Variants in ZNF385D observed in about 807,000 individuals in gnomAD.
ZNF385D encodes the protein zinc finger protein 659.
ZNF385D carries 15 observed loss-of-function variants against 35.8 expected under a neutral mutation model. The observed-to-expected ratio is 0.42, with a 90% confidence interval of 0.28 to 0.64. The LOEUF is 0.64. Ranked by LOEUF, ZNF385D falls within the 30% of genes least tolerant of loss-of-function variation. The pLI, the probability that ZNF385D is intolerant of heterozygous loss-of-function variation, is 0.23. For missense variants in ZNF385D, 474 were observed against 494.6 expected, an observed-to-expected ratio of 0.96 and a Z score of 0.39; for synonymous variants, 212 against 186.8, an observed-to-expected ratio of 1.13 and a Z score of -1.10.
chr3:21,861,384 T>C (rs547851924), intron 3 of ZNF385D, among the ~76,000 whole-genome samples: 2 of 152,298 alleles, frequency 1.3e-5, no homozygotes, highest in South Asian at 4.1e-4. Flanking sequence ...TTTATCTAAT[T>C]GCCTTCACTC....
chr3:22,006,376 T>C (rs533665757), intron 3 of ZNF385D, among the ~76,000 whole-genome samples: 19 of 152,250 alleles, frequency 1.2e-4, no homozygotes. Flanking sequence ...AATAAAAAGC[T>C]TGTAAAATTA....
chr3:22,274,117 G>T (rs2125367122), intron 2 of ZNF385D, among the ~76,000 whole-genome samples: 1 of 151,664 alleles, frequency 6.6e-6, no homozygotes, highest in East Asian at 2.0e-4. Flanking sequence ...CTCCTGGAAG[G>T]GGCACATCTA....
intron 3 of ZNF385D, among the ~76,000 whole-genome samples, chr3:22,093,265 A>T (rs1220982942): frequency 6.6e-6 from 1 of 152,082 alleles, no homozygotes; most frequent in South Asian, 2.1e-4. Flanking sequence ...AGTAAACCCA[A>T]CATCTAAAAC....
chr3:21,997,868 CGCGCGTGT>C (rs775977681), intron 3 of ZNF385D, among the ~76,000 whole-genome samples: 12 of 56,586 alleles, frequency 2.1e-4, no homozygotes, highest in South Asian at 1.5e-3. Context: ...CGCGCGCGCG[CGCGCGTGT>C]GTGTGTGTGT....
At chr3:22,123,962 C>CTCTCTCTA (rs1491571691) in intron 3 of ZNF385D, among the ~76,000 whole-genome samples, 49 of 61,838 alleles carry the variant, frequency 7.9e-4, no homozygotes, top group Non-Finnish European at 1.2e-3. Flanking sequence ...CTCTCTCTCT[C>CTCTCTCTA]TATATATATA....
chr3:21,999,934 C>T (rs1038947478), intron 3 of ZNF385D, among the ~76,000 whole-genome samples: 7 of 152,058 alleles, frequency 4.6e-5, no homozygotes, highest in African/African-American at 7.2e-5. Flanking sequence ...TAATAGCTAA[C>T]AAGTTCTCAA....
Position 22,243,682 on chromosome 3 carries a change from C to T in ZNF385D, c.107-74647G>A, listed in dbSNP as rs188765205. On this transcript the variant is annotated intron_variant, in intron 2 of 5. Transcript: ENST00000494108. ...CACTTCAAAGGCAAGAACAGCCAAG[C>T]TCTGTGGCTACCTGTATTGTTTGAA... 2.0e-5 allele frequency among the ~76,000 whole-genome samples: 3 copies of T among 151,082 alleles called. No individual in the cohort carries two copies. In the East Asian group the frequency reaches 5.9e-4, roughly 30 times the overall value.
chr3:21,716,604 G>C (rs916085716), intron 1 of ZNF385D, among the ~76,000 whole-genome samples: 6 of 151,982 alleles, frequency 3.9e-5, no homozygotes, highest in African/African-American at 1.5e-4. Flanking sequence ...TCTTAATTAT[G>C]TTACTCAGAG....
At chr3:22,367,457 G>C (rs1696706688) in intron 2 of ZNF385D, among the ~76,000 whole-genome samples, 1 of 152,148 alleles carries the variant, frequency 6.6e-6, no homozygotes, top group African/African-American at 2.4e-5. Flanking sequence ...TGTGAATGTA[G>C]AATTTATAGC....
intron 3 of ZNF385D, among the ~76,000 whole-genome samples, chr3:22,083,255 C>A (rs1226753439): frequency 6.6e-6 from 1 of 152,158 alleles, no homozygotes; most frequent in Non-Finnish European, 1.5e-5. Flanking sequence ...CAGAAGTAGG[C>A]TTCAGAAGGT....
intron 3 of ZNF385D, among the ~76,000 whole-genome samples, chr3:22,046,833 T>C (rs1210041927): frequency 3.3e-5 from 5 of 152,174 alleles, no homozygotes; most frequent in Non-Finnish European, 5.9e-5. Flanking sequence ...ATTTATTTTA[T>C]ATTTGTAAAG....
intron 4 of ZNF385D, among the ~76,000 whole-genome samples, chr3:21,439,831 A>G (rs960877887): frequency 2.0e-5 from 3 of 152,054 alleles, no homozygotes; most frequent in Admixed American, 2.0e-4. Context: ...TCTTAAGGCA[A>G]GTTCCTTGCA....
rs1268040697 is a variant in ZNF385D, at chr3:22,336,930, AAAAAAAAC to A, written c.106+35512_106+35519del. Among the ~76,000 whole-genome samples the A allele has an allele frequency of 1.7e-4, 24 of 144,700 alleles. No individual in the cohort carries two copies. In the South Asian group the frequency reaches 1.7e-3, roughly 10 times the overall value. 94.9% of individuals were successfully genotyped at this position (144,700 alleles called of 152,430 possible). ...TTTTCAAAAAAAAAAAAAAAAAAAAAAAAAAAACCCTTACTGTTAGTGAGGAGAGAATA... is the reference window on the plus strand; with the variant it reads ...TTTTCAAAAAAAAAAAAAAAAAAAAACCTTACTGTTAGTGAGGAGAGAATA... On this transcript the variant is annotated intron_variant, in intron 2 of 5. Transcript: ENST00000494108.
At chr3:21,938,861 T>A (rs1238616193) in intron 3 of ZNF385D, among the ~76,000 whole-genome samples, 1 of 152,218 alleles carries the variant, frequency 6.6e-6, no homozygotes, top group African/African-American at 2.4e-5. Flanking sequence ...CTTCCCAACT[T>A]TTACTTTAAT....
intron 3 of ZNF385D, among the ~76,000 whole-genome samples, chr3:22,102,934 A>T: frequency 6.7e-6 from 1 of 148,710 alleles, no homozygotes; most frequent in African/African-American, 2.5e-5. Context: ...TATGTCCCTC[A>T]CTCCCCAAAG....
chr3:22,200,152 T>C (rs1344124131), intron 2 of ZNF385D, among the ~76,000 whole-genome samples: 1 of 152,214 alleles, frequency 6.6e-6, no homozygotes, highest in East Asian at 1.9e-4. Flanking sequence ...AATTTACATA[T>C]CATAAATTTG....
intron 3 of ZNF385D, among the ~76,000 whole-genome samples, chr3:22,019,827 A>C (rs535308852): frequency 2.8e-4 from 43 of 151,934 alleles, no homozygotes; most frequent in South Asian, 6.2e-4. Flanking sequence ...GAGAACCTTG[A>C]GAGAGTGATA....
chr3:21,766,049 G>A (rs749399691), intron 3 of ZNF385D, among the ~76,000 whole-genome samples: 2 of 152,176 alleles, frequency 1.3e-5, no homozygotes, highest in Non-Finnish European at 2.9e-5. Flanking sequence ...GTGAAGAAAG[G>A]AAAGATAGTG....
chr3:22,030,913 T>C (rs1461459175), intron 3 of ZNF385D, among the ~76,000 whole-genome samples: 3 of 152,176 alleles, frequency 2.0e-5, no homozygotes, highest in Admixed American at 6.5e-5. Flanking sequence ...AAGTAAAAGT[T>C]CCCATTCCAA....
Sources: allele counts gnomAD v4.1 joint callset (sites outside exome capture counted in the v4.1 genomes callset), GRCh38; gene constraint gnomAD v4.1.1; transcripts MANE v1.5; gene names NCBI Gene and HGNC (gene_info 2026-07-23, HGNC 2026-07-21).